The following HSD17B12 variants were observed in gnomAD, a reference collection of about 807,000 sequenced individuals.
HSD17B12 encodes hydroxysteroid 17-beta dehydrogenase 12.
A neutral mutation model predicts 39.3 loss-of-function variants in HSD17B12; 32 were observed. That is an observed-to-expected ratio of 0.81 (90% confidence interval 0.61 to 1.09). The LOEUF (loss-of-function observed/expected upper bound fraction) is 1.09. Among genes scored for constraint, HSD17B12 ranks in the 50% least tolerant of loss-of-function variants. The pLI, the probability that HSD17B12 is intolerant of heterozygous loss-of-function variation, is 0.00. For synonymous variants in HSD17B12, 150 were observed against 146.7 expected (o/e 1.02, Z -0.16); for missense variants, 342 against 382.9 (o/e 0.89, Z 0.89).
chr11:43,614,913 C>T, the HSD17B12 span, among the ~76,000 whole-genome samples: 1 of 152,010 alleles, frequency 6.6e-6, no homozygotes, highest in Non-Finnish European at 1.5e-5. Flanking sequence ...TCCTTAAATA[C>T]TAATTCCAAC....
At chr11:43,828,177 C>G (rs1486981770) in intron 6 of HSD17B12, among the ~76,000 whole-genome samples, 1 of 143,586 alleles carries the variant, frequency 7.0e-6, no homozygotes, top group Non-Finnish European at 1.5e-5. Context: ...GAGTCTCGCT[C>G]TGTCGCCCAG....
At position 43,680,757 on chromosome 11, in the gene HSD17B12, C is replaced by T. The variant is rs1272366664; in HGVS notation, c.-71C>T. 2.9e-6 allele frequency: 4 copies of T among 1,399,364 alleles called. No homozygotes were observed. The African/African-American group carries it at 4.2e-5, about 15-fold the overall frequency. The allele number at this position is 1,399,364 out of a possible 1,614,324, so 86.7% of individuals were successfully genotyped here. On this transcript the variant is annotated 5_prime_UTR_variant, in exon 1 of 11. Coordinates refer to ENST00000278353, the MANE Select transcript of HSD17B12 (RefSeq NM_016142.3). ...ATTAGTGTCATCCTCACCGTCACGG[C>T]CGGCGCCTCCTCCTGGATTCATTCA...
At chr11:43,585,738 A>C in the HSD17B12 span, among the ~76,000 whole-genome samples, 10 of 152,186 alleles carry the variant, frequency 6.6e-5, no homozygotes, top group Admixed American at 5.2e-4. Context: ...ATCTTTGGGC[A>C]ATAGGGTTGT....
At chr11:43,626,189 A>T in the HSD17B12 span, among the ~76,000 whole-genome samples, 9 of 151,782 alleles carry the variant, frequency 5.9e-5, no homozygotes, top group East Asian at 1.7e-3. Flanking sequence ...CTGGATAGAA[A>T]TTCTATTTTA....
intron 8 of HSD17B12, among the ~76,000 whole-genome samples, chr11:43,838,715 A>G (rs1294731485): frequency 6.6e-6 from 1 of 152,158 alleles, no homozygotes; most frequent in Non-Finnish European, 1.5e-5. Context: ...TGACCTAGGC[A>G]GATAGCTTAG....
At chr11:43,841,887 G>C (rs886712556) in intron 9 of HSD17B12, among the ~76,000 whole-genome samples, 7 of 152,118 alleles carry the variant, frequency 4.6e-5, no homozygotes, top group African/African-American at 1.7e-4. Flanking sequence ...TATTTGAGTG[G>C]ATACTTTTCA....
At chr11:43,824,633 C>A (rs1590330333) in intron 6 of HSD17B12, among the ~76,000 whole-genome samples, 2 of 152,304 alleles carry the variant, frequency 1.3e-5, no homozygotes, top group East Asian at 1.9e-4. Flanking sequence ...ATGATGTAAT[C>A]ATTTCTCAAA....
the HSD17B12 span, among the ~76,000 whole-genome samples, chr11:43,632,669 T>C: frequency 2.0e-5 from 3 of 152,252 alleles, no homozygotes; most frequent in Non-Finnish European, 4.4e-5. Context: ...TGGATTCCAG[T>C]GGCCCATGCT....
the HSD17B12 span, among the ~76,000 whole-genome samples, chr11:43,577,232 C>T: frequency 6.6e-6 from 1 of 152,196 alleles, no homozygotes; most frequent in African/African-American, 2.4e-5. Context: ...GGGGTTGGCG[C>T]CAGCTGCGGT....
intron 3 of HSD17B12, among the ~76,000 whole-genome samples, chr11:43,756,511 G>A (rs1368451979): frequency 6.6e-6 from 1 of 152,076 alleles, no homozygotes; most frequent in Non-Finnish European, 1.5e-5. Flanking sequence ...GCTTCTTGTA[G>A]TCTTGTATAT....
At chr11:43,621,726 A>T in the HSD17B12 span, among the ~76,000 whole-genome samples, 2 of 152,162 alleles carry the variant, frequency 1.3e-5, no homozygotes, top group African/African-American at 4.8e-5. Flanking sequence ...AAAAACAAAA[A>T]CAAATATTTT....
chr11:43,597,669 G>A, the HSD17B12 span, among the ~76,000 whole-genome samples: 65 of 152,178 alleles, frequency 4.3e-4, no homozygotes, highest in Non-Finnish European at 6.6e-4. Flanking sequence ...GTTTTGAAAC[G>A]AAGTCTCGCT....
chr11:43,672,556 G>C, the HSD17B12 span, among the ~76,000 whole-genome samples: 1 of 152,052 alleles, frequency 6.6e-6, no homozygotes, highest in African/African-American at 2.4e-5. Flanking sequence ...GTTTTTGTTT[G>C]TTTGTTTTTA....
At position 43,770,692 on chromosome 11, in the gene HSD17B12, G is replaced by A. The variant is rs555913967; in HGVS notation, c.283+16571G>A. On this transcript the variant is annotated intron_variant, in intron 3 of 10. Coordinates refer to ENST00000278353, the MANE Select transcript of HSD17B12 (RefSeq NM_016142.3). ...TGAGGCTGCAATGAGCCACTGTCTC[G>A]TCACTGCGCTCCAGCCTGGGTAACA... is the stretch of plus-strand genomic sequence containing the variant. 3.0e-4 allele frequency among the ~76,000 whole-genome samples: 45 copies of A among 152,284 alleles called. 2 individuals carry two copies. Among genetic ancestry groups the A allele is most frequent in the Admixed American group, 2.2e-3 (34 of 15,296 alleles).
chr11:43,803,242 GTA>G (rs1295625514), intron 4 of HSD17B12, among the ~76,000 whole-genome samples: 1 of 152,062 alleles, frequency 6.6e-6, no homozygotes, highest in Non-Finnish European at 1.5e-5. Context: ...GGTCTGATGT[GTA>G]TATGTTTTCT....
chr11:43,601,898 T>C, the HSD17B12 span, among the ~76,000 whole-genome samples: 6 of 152,240 alleles, frequency 3.9e-5, no homozygotes, highest in Non-Finnish European at 8.8e-5. Flanking sequence ...CCAGAGCTTT[T>C]GAAGAGTCAG....
chr11:43,616,418 C>CA, the HSD17B12 span, among the ~76,000 whole-genome samples: 3 of 58,400 alleles, frequency 5.1e-5, no homozygotes, highest in African/African-American at 1.1e-4. Flanking sequence ...AAAAAAAAAA[C>CA]AAAAAACAAA....
At chr11:43,672,784 G>A in the HSD17B12 span, among the ~76,000 whole-genome samples, 33 of 152,110 alleles carry the variant, frequency 2.2e-4, no homozygotes, top group East Asian at 5.8e-4. Context: ...CAGGTGATCC[G>A]CCTGCCTCGG....
intron 1 of HSD17B12, among the ~76,000 whole-genome samples, chr11:43,688,445 G>T (rs1012863309): frequency 2.0e-5 from 3 of 152,152 alleles, no homozygotes; most frequent in Admixed American, 2.0e-4. Context: ...ATACCATGGT[G>T]TGGTAGTTGA....
Sources: gnomAD v4.1 joint callset for allele counts (sites outside exome capture counted in the v4.1 genomes callset) on GRCh38, gnomAD v4.1.1 for gene constraint, MANE v1.5 for transcripts, NCBI Gene and HGNC (gene_info 2026-07-23, HGNC 2026-07-21) for gene names.